Variants in SHISA6 observed in about 807,000 individuals in gnomAD.
The protein encoded by SHISA6 is shisa family member 6.
Under a neutral mutation model 47.9 loss-of-function variants are expected in SHISA6, and 22 were observed. That is an observed-to-expected ratio of 0.46 (90% confidence interval 0.33 to 0.66). The LOEUF (loss-of-function observed/expected upper bound fraction) is 0.66, where lower values mean the gene tolerates loss of function less well. Ranked by LOEUF, SHISA6 falls within the 30% of genes least tolerant of loss-of-function variation. The pLI, the probability that SHISA6 is intolerant of heterozygous loss-of-function variation, is 0.02. For synonymous variants in SHISA6, 388 were observed against 337.8 expected (o/e 1.15, Z -1.63); for missense variants, 680 against 764.6 (o/e 0.89, Z 1.30).
At chr17:11,301,605 C>G (rs1909931978) in intron 2 of SHISA6, among the ~76,000 whole-genome samples, 1 of 152,196 alleles carries the variant, frequency 6.6e-6, no homozygotes, top group African/African-American at 2.4e-5. Flanking sequence ...CTTGCCGTTC[C>G]CCTCCTTCCT....
chr17:11,315,348 G>A (rs1014029161), intron 2 of SHISA6, among the ~76,000 whole-genome samples: 7 of 152,012 alleles, frequency 4.6e-5, no homozygotes, highest in Non-Finnish European at 1.0e-4. Flanking sequence ...GACTGCCTTG[G>A]ATTTTGTAAG....
intron 3 of SHISA6, among the ~76,000 whole-genome samples, chr17:11,402,644 T>C (rs549121990): frequency 2.0e-4 from 31 of 152,348 alleles, no homozygotes; most frequent in African/African-American, 7.2e-4. Flanking sequence ...ACTTGATGCA[T>C]GTGACATCCA....
At chr17:11,397,895 C>A (rs373696556) in intron 3 of SHISA6, among the ~76,000 whole-genome samples, 9 of 152,094 alleles carry the variant, frequency 5.9e-5, no homozygotes, top group Non-Finnish European at 1.0e-4. Context: ...TAGAGCCCCC[C>A]CTTAGGCATC....
Position 11,529,781 on chromosome 17 carries a change from A to G in SHISA6, c.896-22115A>G, listed in dbSNP as rs573531749. Among the ~76,000 whole-genome samples, 10 of 152,330 alleles carry G rather than the reference A, an allele frequency of 6.6e-5. No individual in the cohort carries two copies. In the East Asian group the frequency reaches 1.9e-3, roughly 29 times the overall value. ...TGTTATGATGTGTGACAGATGGGAA[A>G]TCAATATCCTTTATATATAGGAGTC... On this transcript the variant is annotated intron_variant, in intron 3 of 5. Coordinates refer to ENST00000441885, the MANE Select transcript of SHISA6 (RefSeq NM_207386.4).
chr17:11,441,570 A>T (rs1210485656), intron 3 of SHISA6, among the ~76,000 whole-genome samples: 6 of 152,340 alleles, frequency 3.9e-5, no homozygotes, highest in African/African-American at 1.2e-4. Flanking sequence ...TAATCAGGAA[A>T]AGAAAGACTA....
chr17:11,350,512 AC>A (rs1437112544), intron 2 of SHISA6, among the ~76,000 whole-genome samples: 3 of 151,840 alleles, frequency 2.0e-5, no homozygotes, highest in African/African-American at 7.3e-5. Context: ...TTATGAAGAA[AC>A]CAAACCAAGA....
chr17:11,498,053 G>T (rs2071422797), intron 3 of SHISA6, among the ~76,000 whole-genome samples: 1 of 152,180 alleles, frequency 6.6e-6, no homozygotes, highest in South Asian at 2.1e-4. Context: ...AGTGGGAACT[G>T]GGGGAATGTT....
intron 3 of SHISA6, among the ~76,000 whole-genome samples, chr17:11,513,802 A>G (rs2071560841): frequency 6.6e-6 from 1 of 152,156 alleles, no homozygotes; most frequent in Admixed American, 6.5e-5. Context: ...TGAGTGGCTA[A>G]CTCACCGTGA....
chr17:11,411,180 G>A lies in SHISA6; in HGVS notation c.895+31671G>A, dbSNP rs150752969. On this transcript the variant is annotated intron_variant, in intron 3 of 5. Transcript: ENST00000441885. ...AGACAGGGTTTCACCCTGTTAGCCC[G>A]GTTGGTCTCGATCTCGTGACCTCGT... Among the ~76,000 whole-genome samples the A allele has an allele frequency of 7.2e-5, 11 of 152,030 alleles. No individual in the cohort carries two copies. The East Asian group carries it at 1.4e-3, about 19-fold the overall frequency.
chr17:11,305,342 C>A (rs993411924), intron 2 of SHISA6, among the ~76,000 whole-genome samples: 4 of 152,144 alleles, frequency 2.6e-5, no homozygotes, highest in Non-Finnish European at 5.9e-5. Context: ...AGTAAGAAAA[C>A]CAAGATTCAA....
chr17:11,537,681 T>C (rs1054107660), intron 3 of SHISA6, among the ~76,000 whole-genome samples: 1 of 152,218 alleles, frequency 6.6e-6, no homozygotes, highest in Non-Finnish European at 1.5e-5. Context: ...ATTATCACCA[T>C]GGCCTCTTGT....
chr17:11,401,871 T>A (rs57708856), intron 3 of SHISA6, among the ~76,000 whole-genome samples: 7,077 of 152,236 alleles, frequency 0.046, 505 homozygotes, highest in African/African-American at 0.15. Context: ...AGAGGGGCTC[T>A]TAATCTTTCT....
intron 3 of SHISA6, among the ~76,000 whole-genome samples, chr17:11,433,894 C>T (rs906668148): frequency 6.6e-6 from 1 of 151,886 alleles, no homozygotes; most frequent in African/African-American, 2.4e-5. Context: ...AAGACTGCAT[C>T]AAAGGAAAAA....
intron 2 of SHISA6, among the ~76,000 whole-genome samples, chr17:11,282,716 A>G (rs1909164998): frequency 6.6e-6 from 1 of 152,178 alleles, no homozygotes; most frequent in African/African-American, 2.4e-5. Flanking sequence ...GATACATGGT[A>G]TTCCATCTGC....
chr17:11,296,504 G>GGT (rs1347539853), intron 2 of SHISA6, among the ~76,000 whole-genome samples: 10 of 152,100 alleles, frequency 6.6e-5, no homozygotes, highest in Non-Finnish European at 2.9e-5. Flanking sequence ...TGACTATAGT[G>GGT]GTGCCATTTA....
At chr17:11,408,611 TG>T (rs1173519511) in intron 3 of SHISA6, among the ~76,000 whole-genome samples, 2 of 151,894 alleles carry the variant, frequency 1.3e-5, no homozygotes, top group African/African-American at 2.4e-5. Flanking sequence ...GTAGCGGGCA[TG>T]AAGTGTCATC....
intron 1 of SHISA6, among the ~76,000 whole-genome samples, chr17:11,254,964 C>T (rs1352699625): frequency 6.6e-6 from 1 of 152,202 alleles, no homozygotes; most frequent in Admixed American, 6.5e-5. Context: ...ATGTGGATCT[C>T]AGTAATTCAG....
At chr17:11,459,717 G>A (rs961114093) in intron 3 of SHISA6, among the ~76,000 whole-genome samples, 5 of 152,176 alleles carry the variant, frequency 3.3e-5, no homozygotes, top group East Asian at 1.9e-4. Flanking sequence ...GGAAGTTTAC[G>A]GAGTCTGTAT....
intron 2 of SHISA6, among the ~76,000 whole-genome samples, chr17:11,264,013 G>A (rs1411996221): frequency 1.3e-5 from 2 of 152,126 alleles, no homozygotes; most frequent in East Asian, 3.9e-4. Context: ...TAGATTCCCT[G>A]GATGTATGAT....
Sources: gnomAD v4.1 joint callset for allele counts (sites outside exome capture counted in the v4.1 genomes callset) on GRCh38, gnomAD v4.1.1 for gene constraint, MANE v1.5 for transcripts, NCBI Gene and HGNC (gene_info 2026-07-23, HGNC 2026-07-21) for gene names.